CNBD1: variants seen among roughly 807,000 people sequenced by gnomAD.
The protein encoded by CNBD1 is cyclic nucleotide-binding domain-containing protein 1.
A neutral mutation model predicts 54.4 loss-of-function variants in CNBD1; 71 were observed. The ratio of observed to expected loss-of-function variants is 1.30; its 90% CI spans 1.08 to 1.59. CNBD1 has a LOEUF of 1.59. Ranked by LOEUF, CNBD1 falls within the 40% of genes most tolerant of loss-of-function variation. The probability of loss-of-function intolerance (pLI) is 0.00; values close to 1 mark genes in which losing one functional copy is unlikely to be tolerated. For missense variants in CNBD1, 659 were observed against 518.0 expected (o/e 1.27, Z -2.64); for synonymous variants, 182 against 170.7 (o/e 1.07, Z -0.51).
intron 8 of CNBD1, among the ~76,000 whole-genome samples, chr8:87,335,787 T>C (rs985414146): frequency 6.6e-6 from 1 of 152,208 alleles, no homozygotes; most frequent in Admixed American, 6.5e-5. Context: ...TAGATGCAGT[T>C]TCTTCATAGT....
intron 4 of CNBD1, among the ~76,000 whole-genome samples, chr8:87,132,647 T>C (rs1204304594): frequency 6.8e-6 from 1 of 147,722 alleles, no homozygotes; most frequent in Non-Finnish European, 1.5e-5. Flanking sequence ...ATATGATATA[T>C]GTAAGATATA....
chr8:87,102,139 G>A (rs189211986), intron 4 of CNBD1, among the ~76,000 whole-genome samples: 73 of 151,832 alleles, frequency 4.8e-4, no homozygotes, highest in Admixed American at 9.2e-4. Context: ...TGCCCGCCTC[G>A]GCCTCCCAAA....
At chr8:86,974,302 T>G (rs553994875) in intron 4 of CNBD1, among the ~76,000 whole-genome samples, 2 of 152,238 alleles carry the variant, frequency 1.3e-5, no homozygotes, top group African/African-American at 4.8e-5. Context: ...ATGCTAATTT[T>G]GGGAGTATAA....
In CNBD1 at chr8:87,304,678, A is replaced by G. The variant is rs189111945; in HGVS notation, c.1042+18007A>G. Among the ~76,000 whole-genome samples the G allele has an allele frequency of 9.9e-4, 151 of 152,268 alleles. 2 individuals are homozygous for G. Among genetic ancestry groups the G allele is most frequent in the Non-Finnish European group, 2.1e-4 (14 of 68,012 alleles). On this transcript the variant is annotated intron_variant, in intron 8 of 10. Coordinates refer to ENST00000518476, the MANE Select transcript of CNBD1 (RefSeq NM_173538.3). ...ATAAAAATCACATAATCATTTCAATAGATGCAGAAAAAGCATTCAACAAAA... is the reference window on the plus strand; with the variant it reads ...ATAAAAATCACATAATCATTTCAATGGATGCAGAAAAAGCATTCAACAAAA...
intron 2 of CNBD1, among the ~76,000 whole-genome samples, chr8:87,388,375 A>G (rs534866222): frequency 6.6e-6 from 1 of 151,320 alleles, no homozygotes; most frequent in African/African-American, 2.4e-5. Flanking sequence ...ATGAAGAAAA[A>G]AGAGAAGAAT....
rs1008397299 is a variant in CNBD1 at position 87,166,220 on chromosome 8, C to T, written c.432-39773C>T. Among the ~76,000 whole-genome samples the T allele has an allele frequency of 3.3e-5, 5 of 151,896 alleles. No homozygotes were observed. The highest frequency in any genetic ancestry group is 1.5e-5 in the Non-Finnish European group (1 of 67,908). The stretch of plus-strand genomic sequence containing the variant: ...GTAAGTGACAAACCTAAGCATCATA[C>T]TTGATGCTCATACATTCTGTCCCTT... On this transcript the variant is annotated intron_variant, in intron 4 of 10. Coordinates refer to ENST00000518476, the MANE Select transcript of CNBD1 (RefSeq NM_173538.3). This position sits in a 1 kb window ranked among gnomAD's most constrained non-coding sequence, Gnocchi z 4.3.
At chr8:87,100,871 G>A (rs898424534) in intron 4 of CNBD1, among the ~76,000 whole-genome samples, 1 of 152,108 alleles carries the variant, frequency 6.6e-6, no homozygotes, top group African/African-American at 2.4e-5. Flanking sequence ...CAGAGGGAAC[G>A]GTCTCTAAAA....
chr8:87,066,190 A>C (rs1348371006), intron 4 of CNBD1, among the ~76,000 whole-genome samples: 1 of 151,980 alleles, frequency 6.6e-6, no homozygotes. Flanking sequence ...AAATTAAGCT[A>C]TCCTGAACAT....
chr8:87,158,439 C>T (rs1003483368), intron 4 of CNBD1, among the ~76,000 whole-genome samples: 36 of 152,148 alleles, frequency 2.4e-4, no homozygotes, highest in African/African-American at 8.4e-4. Context: ...TAATGGAAAA[C>T]TATAATGAAA....
At chr8:86,869,942 A>G (rs993176281) in intron 1 of CNBD1, among the ~76,000 whole-genome samples, 2 of 151,992 alleles carry the variant, frequency 1.3e-5, no homozygotes, top group Admixed American at 6.6e-5. Flanking sequence ...ATTTGCTGCT[A>G]CTCTATTTTC....
intron 8 of CNBD1, among the ~76,000 whole-genome samples, chr8:87,324,809 C>T (rs1809633428): frequency 8.0e-6 from 1 of 125,002 alleles, no homozygotes; most frequent in Admixed American, 7.7e-5. Context: ...TCCTTCAGTT[C>T]TGCTCGGATT....
intron 8 of CNBD1, among the ~76,000 whole-genome samples, chr8:87,327,794 G>T (rs762130976): frequency 6.6e-6 from 1 of 152,142 alleles, no homozygotes; most frequent in Non-Finnish European, 1.5e-5. Flanking sequence ...CTGTAGACCG[G>T]AGCTGTTCCT....
intron 4 of CNBD1, among the ~76,000 whole-genome samples, chr8:87,119,325 T>G (rs1469605104): frequency 3.8e-5 from 5 of 131,218 alleles, no homozygotes; most frequent in Admixed American, 2.2e-4. Flanking sequence ...ATTCTTAGGG[T>G]TTTTTTTTTG....
At chr8:87,127,703 C>A (rs1411510273) in intron 4 of CNBD1, among the ~76,000 whole-genome samples, 1 of 152,110 alleles carries the variant, frequency 6.6e-6, no homozygotes, top group Non-Finnish European at 1.5e-5. Flanking sequence ...GTGATGAGAA[C>A]AGACATTTGT....
chr8:87,094,974 G>A (rs543283768), intron 4 of CNBD1, among the ~76,000 whole-genome samples: 1 of 152,334 alleles, frequency 6.6e-6, no homozygotes, highest in African/African-American at 2.4e-5. Context: ...GGGAGGCAGA[G>A]GTTGCAATGA....
intron 2 of CNBD1, among the ~76,000 whole-genome samples, chr8:86,899,933 G>A (rs1247025178): frequency 1.3e-5 from 2 of 151,890 alleles, no homozygotes; most frequent in Non-Finnish European, 2.9e-5. Flanking sequence ...ATGCTCCTTC[G>A]TATCAGTGAC....
intron 3 of CNBD1, among the ~76,000 whole-genome samples, chr8:86,925,482 A>AGTGTGTGT (rs71275894): frequency 1.5e-3 from 217 of 141,806 alleles, no homozygotes; most frequent in Middle Eastern, 0.01. Context: ...CTTACCAAAA[A>AGTGTGTGT]GTGTGTGTGT....
chr8:87,320,705 A>T (rs1809507106), intron 8 of CNBD1, among the ~76,000 whole-genome samples: 1 of 152,032 alleles, frequency 6.6e-6, no homozygotes, highest in South Asian at 2.1e-4. Flanking sequence ...CTATGTGTTT[A>T]TTTATTTTTT....
intron 2 of CNBD1, among the ~76,000 whole-genome samples, chr8:86,891,894 T>C (rs1261279607): frequency 1.3e-5 from 2 of 152,084 alleles, no homozygotes; most frequent in African/African-American, 4.8e-5. Context: ...GCATGACTAA[T>C]TTTTGTACGT....
Sources: allele counts gnomAD v4.1 joint callset (sites outside exome capture counted in the v4.1 genomes callset), GRCh38; gene constraint gnomAD v4.1.1; non-coding constraint Gnocchi (gnomAD v3.1); transcripts MANE v1.5; gene names NCBI Gene and HGNC (gene_info 2026-07-23, HGNC 2026-07-21).